ROBO1: variants seen among roughly 807,000 people sequenced by gnomAD.
The protein encoded by ROBO1 is roundabout guidance receptor 1, also known as roundabout homolog 1.
Under a neutral mutation model 195.9 loss-of-function variants are expected in ROBO1, and 149 were observed. The observed-to-expected ratio is 0.76, with a 90% CI of 0.67 to 0.87. The LOEUF (loss-of-function observed/expected upper bound fraction) is 0.87. ROBO1 is among the 40% of genes least tolerant of loss of function. ROBO1 has a pLI of 0.00. For synonymous variants in ROBO1, 816 were observed against 733.2 expected, an observed-to-expected ratio of 1.11 and a Z score of -1.82; for missense variants, 1,933 against 2,068.3, an observed-to-expected ratio of 0.93 and a Z score of 1.27.
chr3:78,838,473 T>C (rs2032924506), intron 4 of ROBO1, among the ~76,000 whole-genome samples: 1 of 152,170 alleles, frequency 6.6e-6, no homozygotes, highest in African/African-American at 2.4e-5. Flanking sequence ...TACTCATGTC[T>C]GGAAAAGTTG....
intron 5 of ROBO1, among the ~76,000 whole-genome samples, chr3:78,745,495 T>G (rs1272915273): frequency 2.0e-5 from 3 of 152,140 alleles, no homozygotes; most frequent in African/African-American, 7.2e-5. Context: ...GGCAAAGTAT[T>G]CTTACCTTCA....
intron 3 of ROBO1, among the ~76,000 whole-genome samples, chr3:78,954,287 G>GT (rs1165332937): frequency 6.6e-6 from 1 of 152,002 alleles, no homozygotes; most frequent in Non-Finnish European, 1.5e-5. Flanking sequence ...TATCCACTGA[G>GT]TAAATGTATT....
intron 2 of ROBO1, among the ~76,000 whole-genome samples, chr3:79,349,674 A>C (rs2035266000): frequency 1.3e-5 from 2 of 152,182 alleles, no homozygotes; most frequent in Non-Finnish European, 2.9e-5. Flanking sequence ...GTGTATCGTC[A>C]ACTGATTTTC....
chr3:79,053,640 C>T (rs139077650), intron 3 of ROBO1, among the ~76,000 whole-genome samples: 2 of 152,034 alleles, frequency 1.3e-5, no homozygotes, highest in Non-Finnish European at 2.9e-5. Flanking sequence ...CGCTAGTAAT[C>T]ACCAGTACGC....
At chr3:79,207,786 G>GAA (rs34624794) in intron 2 of ROBO1, among the ~76,000 whole-genome samples, 8,382 of 116,620 alleles carry the variant, frequency 0.072, 351 homozygotes, top group African/African-American at 0.13. Context: ...CTTTAAAACT[G>GAA]AAAAAAAAAA....
intron 2 of ROBO1, among the ~76,000 whole-genome samples, chr3:79,363,406 TA>T (rs1216959428): frequency 6.6e-6 from 1 of 152,236 alleles, no homozygotes; most frequent in African/African-American, 2.4e-5. Flanking sequence ...CATATAGGTT[TA>T]AATTATTTTT....
At chr3:79,514,115 G>T (rs1425337106) in intron 2 of ROBO1, among the ~76,000 whole-genome samples, 1 of 152,184 alleles carries the variant, frequency 6.6e-6, no homozygotes, top group Non-Finnish European at 1.5e-5. Flanking sequence ...ACCAGAGGAT[G>T]TGGGGAACAC....
chr3:79,309,326 T>TG (rs1382956578), intron 2 of ROBO1, among the ~76,000 whole-genome samples: 14 of 152,156 alleles, frequency 9.2e-5, no homozygotes, highest in African/African-American at 3.1e-4. Flanking sequence ...CCAAGCACTT[T>TG]GGGAGGCCAA....
chr3:79,477,042 A>T (rs1054938518), intron 2 of ROBO1, among the ~76,000 whole-genome samples: 3 of 152,096 alleles, frequency 2.0e-5, no homozygotes, highest in African/African-American at 7.2e-5. Context: ...GCAGAACGTC[A>T]AATTTCCATG....
chr3:78,932,726 G>A (rs769421505), intron 4 of ROBO1, among the ~76,000 whole-genome samples: 1 of 152,018 alleles, frequency 6.6e-6, no homozygotes, highest in African/African-American at 2.4e-5. Context: ...GGATCGTTCT[G>A]TACATAATGT....
chr3:79,407,746 T>C lies in ROBO1; in HGVS notation c.88+182078A>G, dbSNP rs1239483184. ...TTTATAAAGTAATGAAGTAAGTAGGTATTGGTTACAATCTCTGATTTATTG... is the reference window on the plus strand; with the variant it reads ...TTTATAAAGTAATGAAGTAAGTAGGCATTGGTTACAATCTCTGATTTATTG... On this transcript the variant is annotated intron_variant, in intron 2 of 30. Coordinates refer to ENST00000464233, the MANE Select transcript of ROBO1 (RefSeq NM_002941.4). 3.3e-5 allele frequency among the ~76,000 whole-genome samples: 5 copies of C among 152,136 alleles called. No individual in the cohort carries two copies. In the East Asian group the frequency reaches 7.7e-4, roughly 23 times the overall value.
intron 8 of ROBO1, among the ~76,000 whole-genome samples, chr3:78,689,048 C>T (rs906245374): frequency 2.0e-5 from 3 of 152,176 alleles, no homozygotes; most frequent in African/African-American, 7.2e-5. Flanking sequence ...TTGGACCCTA[C>T]ACATTGTAAA....
intron 3 of ROBO1, among the ~76,000 whole-genome samples, chr3:79,024,702 A>G (rs773632572): frequency 3.9e-5 from 6 of 152,178 alleles, no homozygotes; most frequent in Non-Finnish European, 8.8e-5. Flanking sequence ...CTCTTTAATA[A>G]ACATTGTTCA....
chr3:79,753,010 C>T (rs923216313), intron 1 of ROBO1, among the ~76,000 whole-genome samples: 16 of 151,972 alleles, frequency 1.1e-4, no homozygotes, highest in Non-Finnish European at 2.4e-4. Context: ...AGTGACTGAT[C>T]ATTAGTTCAT....
chr3:79,756,639 G>A (rs371636609), intron 1 of ROBO1, among the ~76,000 whole-genome samples: 21 of 150,888 alleles, frequency 1.4e-4, no homozygotes, highest in African/African-American at 2.4e-4. Flanking sequence ...AATATTTATC[G>A]AAGTCTTTTT....
intron 2 of ROBO1, among the ~76,000 whole-genome samples, chr3:79,559,336 C>A (rs551289008): frequency 3.7e-4 from 57 of 152,240 alleles, no homozygotes; most frequent in African/African-American, 1.3e-3. Context: ...TAAAGTTTTT[C>A]TTTTAACATA....
chr3:78,860,132 T>TA (rs2034711311), intron 4 of ROBO1, among the ~76,000 whole-genome samples: 1 of 132,252 alleles, frequency 7.6e-6, no homozygotes, highest in African/African-American at 2.9e-5. Context: ...CATAGGTAGG[T>TA]AGATAGGTAG....
At chr3:78,696,125 GAA>G (rs34340807) in intron 8 of ROBO1, among the ~76,000 whole-genome samples, 39,239 of 108,580 alleles carry the variant, frequency 0.36, 5,540 homozygotes, top group African/African-American at 0.46. Flanking sequence ...GAAAGAATCA[GAA>G]AAAAAAAAAA....
chr3:79,513,287 ATAAC>A (rs560038724), intron 2 of ROBO1, among the ~76,000 whole-genome samples: 85 of 152,282 alleles, frequency 5.6e-4, no homozygotes, highest in South Asian at 1.0e-3. Context: ...ATGACTTAAA[ATAAC>A]TAAACTATGT....
Sources: allele counts gnomAD v4.1 joint callset (sites outside exome capture counted in the v4.1 genomes callset), GRCh38; gene constraint gnomAD v4.1.1; transcripts MANE v1.5; gene names NCBI Gene and HGNC (gene_info 2026-07-23, HGNC 2026-07-21).